COMMD10: variants seen among roughly 807,000 people sequenced by gnomAD.
COMMD10 encodes COMM domain containing 10, also known as COMM domain-containing protein 10.
A neutral mutation model predicts 28.9 loss-of-function variants in COMMD10; 33 were observed. That is an observed-to-expected ratio of 1.14 (90% CI 0.87 to 1.53). The LOEUF is 1.53. Among genes scored for constraint, COMMD10 ranks in the 40% most tolerant of loss-of-function variants. COMMD10 has a pLI of 0.00. For synonymous variants in COMMD10, 110 were observed against 81.7 expected (o/e 1.35, Z -1.87); for missense variants, 310 against 233.4 (o/e 1.33, Z -2.14).
At chr5:116,144,697 T>C (rs1752290727) in intron 5 of COMMD10, among the ~76,000 whole-genome samples, 1 of 151,866 alleles carries the variant, frequency 6.6e-6, no homozygotes, top group Non-Finnish European at 1.5e-5. Context: ...AAAATGGACT[T>C]CTCTGATAAC....
intron 5 of COMMD10, among the ~76,000 whole-genome samples, chr5:116,230,021 T>C (rs1413787492): frequency 6.6e-6 from 1 of 152,012 alleles, no homozygotes; most frequent in Non-Finnish European, 1.5e-5. Context: ...CAATTGAGTA[T>C]AAACTTTATT....
rs982974011 is a variant in COMMD10, at chr5:116,093,350, C to A, written c.399+650C>A. Reference sequence around the variant, plus strand: ...ATGCTAGAGTTCAGTAGAGAAGTGACCGGAAACACCTGAGGAGAGGGAGGA... The same window carrying A: ...ATGCTAGAGTTCAGTAGAGAAGTGAACGGAAACACCTGAGGAGAGGGAGGA... On this transcript the variant is annotated intron_variant, in intron 4 of 6. Coordinates refer to ENST00000274458, the MANE Select transcript of COMMD10 (RefSeq NM_016144.4). Among the ~76,000 whole-genome samples the A allele has an allele frequency of 4.6e-5, 7 of 152,094 alleles. No homozygotes were observed. In the South Asian group the frequency reaches 1.5e-3, roughly 32 times the overall value.
intron 5 of COMMD10, among the ~76,000 whole-genome samples, chr5:116,198,871 T>C (rs1211794883): frequency 6.6e-6 from 1 of 152,190 alleles, no homozygotes; most frequent in Non-Finnish European, 1.5e-5. Context: ...GAAAGACATC[T>C]TGATTGCTTT....
At chr5:116,216,012 G>C (rs1206799269) in intron 5 of COMMD10, among the ~76,000 whole-genome samples, 1 of 151,904 alleles carries the variant, frequency 6.6e-6, no homozygotes, top group Admixed American at 6.6e-5. Flanking sequence ...GAAAGGAAAG[G>C]CCTTATCATT....
At chr5:116,196,672 C>A (rs766346784) in intron 5 of COMMD10, among the ~76,000 whole-genome samples, 1 of 151,456 alleles carries the variant, frequency 6.6e-6, no homozygotes, top group Non-Finnish European at 1.5e-5. Flanking sequence ...AGGCTGTGTG[C>A]AGTATGTGCT....
At chr5:116,228,564 C>G (rs938702039) in intron 5 of COMMD10, among the ~76,000 whole-genome samples, 3 of 151,680 alleles carry the variant, frequency 2.0e-5, no homozygotes, top group African/African-American at 7.3e-5. Flanking sequence ...TTTAATAGAC[C>G]GCTGCTTTTC....
chr5:116,220,954 C>T (rs2112644070), intron 5 of COMMD10, among the ~76,000 whole-genome samples: 1 of 152,232 alleles, frequency 6.6e-6, no homozygotes, highest in Middle Eastern at 3.4e-3. Context: ...CTCTGGTCTG[C>T]TTCTTCATAG....
At chr5:116,106,421 G>A (rs953432234) in intron 4 of COMMD10, among the ~76,000 whole-genome samples, 4 of 152,144 alleles carry the variant, frequency 2.6e-5, no homozygotes, top group Non-Finnish European at 4.4e-5. Context: ...GTCAATTTTA[G>A]AATAAGTGCG....
intron 5 of COMMD10, among the ~76,000 whole-genome samples, chr5:116,173,712 C>T (rs1463838639): frequency 6.6e-6 from 1 of 152,070 alleles, no homozygotes; most frequent in Non-Finnish European, 1.5e-5. Context: ...TATCCACCTG[C>T]TCTAGATGCG....
intron 5 of COMMD10, among the ~76,000 whole-genome samples, chr5:116,144,087 G>T (rs568187138): frequency 6.6e-6 from 1 of 151,934 alleles, no homozygotes; most frequent in South Asian, 2.1e-4. Context: ...GGTGGAGATT[G>T]TCAGGTTTGT....
At chr5:116,281,417 C>G (rs937559130) in intron 5 of COMMD10, among the ~76,000 whole-genome samples, 3 of 151,732 alleles carry the variant, frequency 2.0e-5, no homozygotes, top group African/African-American at 7.3e-5. Flanking sequence ...TGAACAAACA[C>G]ATCTTTCTTT....
chr5:116,201,088 G>C (rs1449666805), intron 5 of COMMD10, among the ~76,000 whole-genome samples: 2 of 152,056 alleles, frequency 1.3e-5, no homozygotes, highest in Non-Finnish European at 2.9e-5. Context: ...AGCTGGAGTT[G>C]GGTATTTTCT....
chr5:116,153,894 CT>C (rs1752618195), intron 5 of COMMD10, among the ~76,000 whole-genome samples: 1 of 152,018 alleles, frequency 6.6e-6, no homozygotes, highest in Non-Finnish European at 1.5e-5. Flanking sequence ...AGAATTGTTC[CT>C]GTTTTTTTCC....
intron 5 of COMMD10, among the ~76,000 whole-genome samples, chr5:116,217,578 A>G (rs1344046229): frequency 2.0e-5 from 3 of 152,220 alleles, no homozygotes; most frequent in Admixed American, 2.0e-4. Flanking sequence ...CATCCCGGAA[A>G]AGTCCAGATT....
chr5:116,134,980 G>A (rs1751984694), intron 5 of COMMD10, among the ~76,000 whole-genome samples: 1 of 152,058 alleles, frequency 6.6e-6, no homozygotes, highest in African/African-American at 2.4e-5. Flanking sequence ...CAACTTGAAC[G>A]TGATTATTAA....
At chr5:116,165,151 C>A (rs1753048670) in intron 5 of COMMD10, among the ~76,000 whole-genome samples, 1 of 152,162 alleles carries the variant, frequency 6.6e-6, no homozygotes, top group Admixed American at 6.5e-5. Flanking sequence ...TGTCATTGAG[C>A]AATGAAAAGG....
intron 4 of COMMD10, among the ~76,000 whole-genome samples, chr5:116,094,840 A>G (rs1266019143): frequency 6.6e-6 from 1 of 152,248 alleles, no homozygotes; most frequent in African/African-American, 2.4e-5. Context: ...ATATTCAACC[A>G]TAAAAGAGAG....
chr5:116,236,504 C>CAAAAAAAAAAAAAAAAAAA (rs34066036), intron 5 of COMMD10, among the ~76,000 whole-genome samples: 1 of 79,616 alleles, frequency 1.3e-5, no homozygotes. Flanking sequence ...GACTCCGTCT[C>CAAAAAAAAAAAAAAAAAAA]AAAAAAAAAA....
intron 4 of COMMD10, among the ~76,000 whole-genome samples, chr5:116,123,939 C>G (rs1314595089): frequency 6.8e-6 from 1 of 146,446 alleles, no homozygotes; most frequent in Non-Finnish European, 1.5e-5. Flanking sequence ...TTTTTTTTAT[C>G]TATTTGATTC....
Sources: allele counts gnomAD v4.1 joint callset (sites outside exome capture counted in the v4.1 genomes callset), GRCh38; gene constraint gnomAD v4.1.1; transcripts MANE v1.5; gene names NCBI Gene and HGNC (gene_info 2026-07-23, HGNC 2026-07-21).